Variants in KLHL1 observed in about 807,000 individuals in gnomAD.
KLHL1 encodes the protein kelch-like protein 1.
In KLHL1, 47 loss-of-function variants were observed where a neutral mutation model predicts 77.7. The ratio of observed to expected loss-of-function variants is 0.60; its 90% CI spans 0.48 to 0.77. The LOEUF (loss-of-function observed/expected upper bound fraction) is 0.77, where lower values mean the gene tolerates loss of function less well. Among genes scored for constraint, KLHL1 ranks in the 30% least tolerant of loss-of-function variants. The pLI, the probability that KLHL1 is intolerant of heterozygous loss-of-function variation, is 0.00. For missense variants in KLHL1, 925 were observed against 910.8 expected (o/e 1.02, Z -0.20); for synonymous variants, 360 against 325.2 (o/e 1.11, Z -1.15).
At chr13:69,979,456 A>G (rs996504480) in intron 1 of KLHL1, among the ~76,000 whole-genome samples, 2 of 152,204 alleles carry the variant, frequency 1.3e-5, no homozygotes, top group Admixed American at 6.5e-5. Flanking sequence ...TTAAGATAAT[A>G]TTTATTATTT....
intron 1 of KLHL1, among the ~76,000 whole-genome samples, chr13:70,022,700 G>C (rs1047259593): frequency 6.6e-6 from 1 of 151,880 alleles, no homozygotes; most frequent in Non-Finnish European, 1.5e-5. Context: ...TACACGGTGA[G>C]GTTGGATGAA....
chr13:70,001,088 A>G (rs891682130), intron 1 of KLHL1, among the ~76,000 whole-genome samples: 3 of 151,464 alleles, frequency 2.0e-5, no homozygotes, highest in Admixed American at 2.0e-4. Flanking sequence ...TGTGTAAATA[A>G]TTATAAGTAG....
chr13:69,900,094 C>T (rs375106649), intron 4 of KLHL1, among the ~76,000 whole-genome samples: 16 of 152,138 alleles, frequency 1.1e-4, no homozygotes, highest in East Asian at 7.8e-4. Context: ...AACCTTGGAG[C>T]GGGGCAGACA....
intron 4 of KLHL1, among the ~76,000 whole-genome samples, chr13:69,883,870 C>T (rs556766887): frequency 6.6e-6 from 1 of 152,314 alleles, no homozygotes; most frequent in East Asian, 1.9e-4. Context: ...CTTCTCTGCT[C>T]CACCTCTCCC....
intron 5 of KLHL1, among the ~76,000 whole-genome samples, chr13:69,850,077 CA>C (rs1879623860): frequency 6.6e-6 from 1 of 151,430 alleles, no homozygotes; most frequent in Admixed American, 6.6e-5. Flanking sequence ...AGCAAAAATC[CA>C]TTACAGAAAT....
At chr13:70,052,087 T>C (rs1346889763) in intron 1 of KLHL1, among the ~76,000 whole-genome samples, 1 of 151,934 alleles carries the variant, frequency 6.6e-6, no homozygotes, top group Non-Finnish European at 1.5e-5. Context: ...AGCCGTGCAA[T>C]AGGCCATTGA....
Position 69,796,980 on chromosome 13 carries a change from C to A in KLHL1, c.1415-18G>T. ...TGTAGCTCCTGATAAAACATAAAAT[C>A]AAAAAGTCACCAATTGCTATAAATT... On this transcript the variant is annotated intron_variant, in intron 6 of 10. Transcript: ENST00000377844. 1 of 1,598,172 alleles carries A rather than the reference C, an allele frequency of 6.3e-7. No homozygotes were observed. Among genetic ancestry groups the A allele is most frequent in the African/African-American group, 1.3e-5 (1 of 74,576 alleles).
chr13:69,706,482 A>G (rs1298726990), intron 10 of KLHL1, among the ~76,000 whole-genome samples: 1 of 151,964 alleles, frequency 6.6e-6, no homozygotes, highest in Non-Finnish European at 1.5e-5. Context: ...AAAAGTAAAT[A>G]TCTTTAAAAC....
At chr13:70,019,431 C>T (rs1487949409) in intron 1 of KLHL1, among the ~76,000 whole-genome samples, 1 of 151,962 alleles carries the variant, frequency 6.6e-6, no homozygotes, top group Non-Finnish European at 1.5e-5. Context: ...CAGCTAGCTT[C>T]ACTTATCTCA....
At chr13:70,071,074 TTAAA>T (rs1385904150) in intron 1 of KLHL1, among the ~76,000 whole-genome samples, 1 of 152,028 alleles carries the variant, frequency 6.6e-6, no homozygotes, top group Non-Finnish European at 1.5e-5. Flanking sequence ...AATAATCACT[TTAAA>T]TATGAATATT....
intron 1 of KLHL1, among the ~76,000 whole-genome samples, chr13:70,046,747 C>T (rs979750865): frequency 2.0e-5 from 3 of 152,074 alleles, no homozygotes; most frequent in Non-Finnish European, 4.4e-5. Context: ...CTCCTGGCCT[C>T]AAGTGATCCG....
intron 1 of KLHL1, among the ~76,000 whole-genome samples, chr13:70,059,805 A>T (rs1448105721): frequency 6.6e-6 from 1 of 152,198 alleles, no homozygotes; most frequent in Non-Finnish European, 1.5e-5. Flanking sequence ...CAAGTCTTAC[A>T]TGGAGGATTT....
intron 7 of KLHL1, among the ~76,000 whole-genome samples, chr13:69,794,226 G>T (rs1030435524): frequency 6.6e-6 from 1 of 152,142 alleles, no homozygotes; most frequent in African/African-American, 2.4e-5. Flanking sequence ...ACAGCAAATA[G>T]GTTGAGCGAA....
At chr13:69,923,482 C>T (rs1882710654) in intron 4 of KLHL1, among the ~76,000 whole-genome samples, 2 of 152,084 alleles carry the variant, frequency 1.3e-5, no homozygotes, top group Admixed American at 6.5e-5. Flanking sequence ...TCTATTACAG[C>T]TCAATCAAAA....
intron 2 of KLHL1, among the ~76,000 whole-genome samples, chr13:69,974,550 A>G (rs530917537): frequency 2.6e-5 from 4 of 151,988 alleles, no homozygotes; most frequent in African/African-American, 9.7e-5. Context: ...AGACTACAAG[A>G]TTGAAGAAAT....
At chr13:69,823,780 G>C (rs1265168389) in intron 6 of KLHL1, among the ~76,000 whole-genome samples, 2 of 151,956 alleles carry the variant, frequency 1.3e-5, no homozygotes, top group Non-Finnish European at 2.9e-5. Flanking sequence ...TTACTCCAGA[G>C]AAACTGAGCT....
chr13:69,943,952 G>A (rs1883441212), intron 3 of KLHL1, among the ~76,000 whole-genome samples: 1 of 152,108 alleles, frequency 6.6e-6, no homozygotes, highest in Admixed American at 6.6e-5. Flanking sequence ...ATATTGGGAA[G>A]GTGACTTCCT....
At chr13:69,922,892 A>G (rs959949507) in intron 4 of KLHL1, among the ~76,000 whole-genome samples, 2 of 152,214 alleles carry the variant, frequency 1.3e-5, no homozygotes, top group African/African-American at 4.8e-5. Context: ...TCCTTATCAC[A>G]TTAATATATA....
chr13:69,852,296 G>A (rs552893860), intron 5 of KLHL1, among the ~76,000 whole-genome samples: 1 of 152,008 alleles, frequency 6.6e-6, no homozygotes, highest in African/African-American at 2.4e-5. Context: ...TGTAAGAAAT[G>A]TTGAGAATTC....
Sources: allele counts gnomAD v4.1 joint callset (sites outside exome capture counted in the v4.1 genomes callset), GRCh38; gene constraint gnomAD v4.1.1; transcripts MANE v1.5; gene names NCBI Gene and HGNC (gene_info 2026-07-23, HGNC 2026-07-21).